The following NAV2 variants were observed in gnomAD, a reference collection of about 807,000 sequenced individuals.
NAV2 encodes helicase, APC down-regulated 1.
Under a neutral mutation model 223.2 loss-of-function variants are expected in NAV2, and 54 were observed. The observed-to-expected ratio is 0.24, with a 90% CI of 0.19 to 0.30. The LOEUF is 0.30. NAV2 is among the 10% of genes least tolerant of loss of function. The pLI is 1.00. For missense variants in NAV2, 2,806 were observed against 3,147.5 expected, an observed-to-expected ratio of 0.89 and a Z score of 2.60; for synonymous variants, 1,279 against 1,239.3, an observed-to-expected ratio of 1.03 and a Z score of -0.67.
chr11:19,479,097 G>A (rs1448452758), intron 1 of NAV2, among the ~76,000 whole-genome samples: 2 of 152,128 alleles, frequency 1.3e-5, no homozygotes, highest in Non-Finnish European at 2.9e-5. Flanking sequence ...TTGAGCTGCA[G>A]TTCATTTGGT....
chr11:19,860,785 T>G (rs1795201116), intron 3 of NAV2, among the ~76,000 whole-genome samples: 2 of 151,954 alleles, frequency 1.3e-5, no homozygotes, highest in Admixed American at 6.6e-5. Context: ...TCCCGGCACC[T>G]CGGGAGGCCG....
intron 6 of NAV2, among the ~76,000 whole-genome samples, chr11:19,913,835 A>T (rs1321898959): frequency 6.6e-6 from 1 of 152,084 alleles, no homozygotes; most frequent in African/African-American, 2.4e-5. Flanking sequence ...CCTTTTTTTA[A>T]CCCTGTGCCT....
chr11:19,519,595 G>T (rs986566027), intron 1 of NAV2, among the ~76,000 whole-genome samples: 1 of 152,140 alleles, frequency 6.6e-6, no homozygotes, highest in Non-Finnish European at 1.5e-5. Flanking sequence ...ATGAAAGAAG[G>T]AATGACAGAA....
chr11:19,675,678 A>G (rs1477394067), intron 1 of NAV2, among the ~76,000 whole-genome samples: 1 of 152,178 alleles, frequency 6.6e-6, no homozygotes, highest in African/African-American at 2.4e-5. Flanking sequence ...GCTGCTTTGT[A>G]CAGTGTGTGA....
chr11:19,832,915 G>A (rs2060024244), intron 2 of NAV2, among the ~76,000 whole-genome samples: 1 of 152,052 alleles, frequency 6.6e-6, no homozygotes, highest in South Asian at 2.1e-4. Flanking sequence ...TATCTTTCTG[G>A]CTCTCTCATT....
intron 1 of NAV2, among the ~76,000 whole-genome samples, chr11:19,513,488 G>C (rs1404558411): frequency 6.6e-6 from 1 of 152,196 alleles, no homozygotes; most frequent in African/African-American, 2.4e-5. Context: ...ACAGAGTGGT[G>C]TCCTGGGCCA....
chr11:19,537,333 C>G (rs11025171), intron 1 of NAV2, among the ~76,000 whole-genome samples: 4 of 152,186 alleles, frequency 2.6e-5, no homozygotes, highest in Admixed American at 1.3e-4. Flanking sequence ...AGGTAGTGTT[C>G]TAAGCCAACC....
intron 1 of NAV2, among the ~76,000 whole-genome samples, chr11:19,724,202 TAAAAACC>T (rs2051030011): frequency 6.6e-6 from 1 of 151,976 alleles, no homozygotes; most frequent in Non-Finnish European, 1.5e-5. Flanking sequence ...AAGAGCAGAG[TAAAAACC>T]AGAACCCAAG....
chr11:19,370,344 A>G (rs146270624), intron 1 of NAV2, among the ~76,000 whole-genome samples: 85 of 152,344 alleles, frequency 5.6e-4, no homozygotes, highest in Middle Eastern at 3.4e-3. Flanking sequence ...ATGGGGGAAG[A>G]GAGGAAGCTG....
intron 6 of NAV2, among the ~76,000 whole-genome samples, chr11:19,895,533 A>G (rs2041905756): frequency 6.6e-6 from 1 of 152,144 alleles, no homozygotes; most frequent in Non-Finnish European, 1.5e-5. Context: ...CCACTCGGGG[A>G]TTCAAACTCT....
At chr11:19,609,732 A>G (rs1399162763) in intron 1 of NAV2, among the ~76,000 whole-genome samples, 1 of 152,170 alleles carries the variant, frequency 6.6e-6, no homozygotes, top group Non-Finnish European at 1.5e-5. Flanking sequence ...ATCTAGAATC[A>G]ATTGAACAAA....
At chr11:20,013,535 GT>G (rs2053752087) in intron 11 of NAV2, among the ~76,000 whole-genome samples, 1 of 151,186 alleles carries the variant, frequency 6.6e-6, no homozygotes, top group Admixed American at 6.6e-5. Flanking sequence ...GAAAGGTTTT[GT>G]GAACCTATTT....
At chr11:19,838,778 C>T (rs2152930627) in intron 2 of NAV2, among the ~76,000 whole-genome samples, 1 of 152,296 alleles carries the variant, frequency 6.6e-6, no homozygotes, top group African/African-American at 2.4e-5. Flanking sequence ...CATACACCAC[C>T]ATGCCCAGCT....
chr11:19,585,000 T>A (rs1291056637), intron 1 of NAV2, among the ~76,000 whole-genome samples: 1 of 152,186 alleles, frequency 6.6e-6, no homozygotes, highest in Non-Finnish European at 1.5e-5. Flanking sequence ...CCCATTATTA[T>A]TGTGTGGGAG....
At chr11:20,027,343 C>G (rs144135495) in intron 11 of NAV2, 2 of 985,466 alleles carry the variant, frequency 2.0e-6, no homozygotes, top group Non-Finnish European at 2.4e-6. Flanking sequence ...GAACAATAGC[C>G]AGAAAACGAG....
At chr11:19,544,914 A>G (rs748505530) in intron 1 of NAV2, among the ~76,000 whole-genome samples, 7 of 152,138 alleles carry the variant, frequency 4.6e-5, no homozygotes, top group Non-Finnish European at 8.8e-5. Context: ...CCTCACCAAA[A>G]TGTTGCTAGG....
chr11:19,465,654 A>T (rs1433255429), intron 1 of NAV2, among the ~76,000 whole-genome samples: 1 of 152,232 alleles, frequency 6.6e-6, no homozygotes, highest in African/African-American at 2.4e-5. Context: ...TAAGGATGAA[A>T]GATGATATAG....
chr11:19,377,537 G>C (rs776815092), intron 1 of NAV2, among the ~76,000 whole-genome samples: 4 of 152,152 alleles, frequency 2.6e-5, no homozygotes, highest in Admixed American at 2.6e-4. Context: ...AGGCTCCTTG[G>C]GGGAGAGACT....
chr11:20,095,026 C>T (rs2061148546), intron 29 of NAV2, among the ~76,000 whole-genome samples: 1 of 152,038 alleles, frequency 6.6e-6, no homozygotes, highest in African/African-American at 2.4e-5. Flanking sequence ...AGTATTCTTC[C>T]CAGAGTTTTA....
Sources: gnomAD v4.1 joint callset for allele counts (sites outside exome capture counted in the v4.1 genomes callset) on GRCh38, gnomAD v4.1.1 for gene constraint, MANE v1.5 for transcripts, NCBI Gene and HGNC (gene_info 2026-07-23, HGNC 2026-07-21) for gene names.